GPRIN3: variants seen among roughly 807,000 people sequenced by gnomAD.
The protein encoded by GPRIN3 is GPRIN family member 3, also known as G protein-regulated inducer of neurite outgrowth 3.
Under a neutral mutation model 13.7 loss-of-function variants are expected in GPRIN3, and 12 were observed. That is an observed-to-expected ratio of 0.87 (90% CI 0.56 to 1.42). GPRIN3 has a LOEUF of 1.42. GPRIN3 is among the 40% of genes most tolerant of loss of function. The probability of loss-of-function intolerance (pLI) is 0.00; values close to 1 mark genes in which losing one functional copy is unlikely to be tolerated. For missense variants in GPRIN3, 1,009 were observed against 958.7 expected (o/e 1.05, Z -0.69); for synonymous variants, 377 against 372.7 (o/e 1.01, Z -0.13).
At chr4:89,294,293 T>G (rs1469656565) in intron 1 of GPRIN3, among the ~76,000 whole-genome samples, 1 of 152,188 alleles carries the variant, frequency 6.6e-6, no homozygotes, top group Non-Finnish European at 1.5e-5. Context: ...ACATTTGTAA[T>G]CTCAGCACTT....
intron 1 of GPRIN3, among the ~76,000 whole-genome samples, chr4:89,269,246 G>T (rs1405920565): frequency 2.0e-5 from 3 of 152,040 alleles, no homozygotes; most frequent in African/African-American, 7.2e-5. Flanking sequence ...GGTCCTGCTG[G>T]GTTTCCTTTA....
Position 89,238,014 on chromosome 4 carries a change from A to G in GPRIN3, c.*9766T>C, listed in dbSNP as rs1014605197. On this transcript the variant is annotated 3_prime_UTR_variant, in exon 2 of 2. Transcript: ENST00000609438. ...AGGCAAGGCATTTATATCTTTGGAA[A>G]TGCATGAGGTTTTAATTTGACCAAG... The G allele has an allele frequency of 5.9e-5, 9 of 152,176 alleles. No homozygotes were observed. Among genetic ancestry groups the G allele is most frequent in the Non-Finnish European group, 4.4e-5 (3 of 68,032 alleles). The allele number at this position is 152,176 out of a possible 1,614,324, so 9.4% of individuals were successfully genotyped here.
intron 1 of GPRIN3, among the ~76,000 whole-genome samples, chr4:89,295,189 C>A (rs1261111626): frequency 6.6e-6 from 1 of 152,098 alleles, no homozygotes; most frequent in African/African-American, 2.4e-5. Flanking sequence ...AATGTAGACC[C>A]CCCTTTTTTC....
intron 1 of GPRIN3, among the ~76,000 whole-genome samples, chr4:89,305,368 G>A (rs151027094): frequency 9.2e-5 from 14 of 152,270 alleles, no homozygotes; most frequent in Non-Finnish European, 2.1e-4. Flanking sequence ...AGCGGTTGCT[G>A]GCAGTGTCCC....
chr4:89,286,850 AC>A (rs1469409695), intron 1 of GPRIN3, among the ~76,000 whole-genome samples: 9 of 152,132 alleles, frequency 5.9e-5, no homozygotes, highest in Non-Finnish European at 4.4e-5. Context: ...CTCCAGCTGG[AC>A]CCAGTGGTAT....
chr4:89,283,269 G>A (rs1455636598), intron 1 of GPRIN3, among the ~76,000 whole-genome samples: 2 of 152,188 alleles, frequency 1.3e-5, no homozygotes, highest in Admixed American at 1.3e-4. Context: ...GGCCTGTGGT[G>A]GGTTCTAGAG....
Position 89,237,422 on chromosome 4 carries a change from G to T in GPRIN3, c.*10358C>A, listed in dbSNP as rs1310495307. 1 of 152,220 alleles carries T rather than the reference G, an allele frequency of 6.6e-6. No homozygotes were observed. The highest frequency in any genetic ancestry group is 1.5e-5 in the Non-Finnish European group (1 of 68,076). The allele number at this position is 152,220 out of a possible 1,614,324, so 9.4% of individuals were successfully genotyped here. ...TGAAGTCTGAACTCCTAAGGCGATG[G>T]TGTTAGAAAGTGGGGGCTTTGGGTG... On this transcript the variant is annotated 3_prime_UTR_variant, in exon 2 of 2. Transcript: ENST00000609438.
intron 1 of GPRIN3, among the ~76,000 whole-genome samples, chr4:89,289,787 T>C (rs1342543754): frequency 1.3e-5 from 2 of 152,246 alleles, no homozygotes; most frequent in East Asian, 2.0e-4. Context: ...TAATCACTAA[T>C]AGTGACTGTC....
Position 89,248,833 on chromosome 4 carries a change from G to C in GPRIN3, c.1278C>G (p.Val426=), listed in dbSNP as rs370102657. Residue 426 remains valine (V), a synonymous_variant, in exon 2 of 2, where the codon GTC becomes GTG. Transcript: ENST00000609438. ...GVLKTSSINL[V]SSNAQHTCKE... ...TACACGTATGCTGGGCATTACTGGA[G>C]ACCAAATTGATTGATGAGGTTTTAA... is the stretch of plus-strand genomic sequence containing the variant. 1.9e-6 allele frequency: 3 copies of C among 1,614,176 alleles called. No homozygotes were observed. Among genetic ancestry groups the C allele is most frequent in the South Asian group, 1.1e-5 (1 of 91,080 alleles).
intron 1 of GPRIN3, among the ~76,000 whole-genome samples, chr4:89,262,050 T>C (rs1458285053): frequency 6.8e-6 from 1 of 147,426 alleles, no homozygotes; most frequent in African/African-American, 2.5e-5. Context: ...TGCTTGAGCC[T>C]GGGAGGCAGA....
intron 1 of GPRIN3, among the ~76,000 whole-genome samples, chr4:89,291,505 C>T (rs1028885686): frequency 6.6e-6 from 1 of 152,186 alleles, no homozygotes; most frequent in Admixed American, 6.5e-5. Context: ...CATATCAATA[C>T]TTTGTTCCTT....
chr4:89,246,270 C>G lies in GPRIN3; in HGVS notation c.*1510G>C, dbSNP rs889756004. On this transcript the variant is annotated 3_prime_UTR_variant, in exon 2 of 2. Coordinates refer to ENST00000609438, the MANE Select transcript of GPRIN3 (RefSeq NM_198281.3). ...GGGGAATGAGTTCAAAGAAGACAAC[C>G]GGTGCCCCTCCAGCATCTAAGTCTG... The G allele has an allele frequency of 1.3e-5, 2 of 152,138 alleles. No individual in the cohort carries two copies. Among genetic ancestry groups the G allele is most frequent in the East Asian group, 3.8e-4 (2 of 5,196 alleles). 9.4% of individuals were successfully genotyped at this position (152,138 alleles called of 1,614,324 possible).
rs1199230242 is a variant in GPRIN3 at position 89,270,565 on chromosome 4, TTATATATATATATATA to T, written c.-123-20348_-123-20333del. On this transcript the variant is annotated intron_variant, in intron 1 of 1. Coordinates refer to ENST00000609438, the MANE Select transcript of GPRIN3 (RefSeq NM_198281.3). ...ATATATATTTATATATGTATATAATTTATATATATATATATATATATATATATATATATATAAAATA... is the reference window on the plus strand; with the variant it reads ...ATATATATTTATATATGTATATAATTTATATATATATATATATATAAAATA... Among the ~76,000 whole-genome samples, 50 of 82,348 alleles carry T rather than the reference TTATATATATATATATA, an allele frequency of 6.1e-4. 1 individual carries two copies. The highest frequency in any genetic ancestry group is 1.6e-3 in the Admixed American group (11 of 6,766). 54.0% of individuals were successfully genotyped at this position (82,348 alleles called of 152,430 possible). A position where few individuals can be genotyped will look rare whatever the true frequency, so the allele number is the denominator to read the frequency against.
chr4:89,288,628 C>A (rs945256573), intron 1 of GPRIN3, among the ~76,000 whole-genome samples: 1 of 152,140 alleles, frequency 6.6e-6, no homozygotes, highest in Non-Finnish European at 1.5e-5. Flanking sequence ...TTCAGAAAAA[C>A]AATATGCTCT....
chr4:89,292,626 G>A (rs1198866828), intron 1 of GPRIN3, among the ~76,000 whole-genome samples: 2 of 152,150 alleles, frequency 1.3e-5, no homozygotes. Flanking sequence ...GTTCTCAGAA[G>A]ACACAGAGGC....
Position 89,248,189 on chromosome 4 carries a change from A to G in GPRIN3, c.1922T>C (p.Phe641Ser). ...SPRRPSRVSE[F>S]LKEQKLNVTA... The stretch of plus-strand genomic sequence containing the variant: ...CACATTTAACTTTTGCTCCTTGAGG[A>G]ACTCGCTGACGCGGCTGGGCCTGCG... The change falls in exon 2 of 2, where the codon TTC becomes TCC. Residue 641 changes from phenylalanine (F) to serine (S), a missense_variant. By Grantham distance (155) the Phe-to-Ser change is radical. Transcript: ENST00000609438. The G allele has an allele frequency of 1.9e-6, 3 of 1,614,190 alleles. No homozygotes were observed. Among genetic ancestry groups the G allele is most frequent in the Non-Finnish European group, 2.5e-6 (3 of 1,180,020 alleles).
chr4:89,298,996 C>G lies in GPRIN3; in HGVS notation c.-124+8619G>C, dbSNP rs550034256. On this transcript the variant is annotated intron_variant, in intron 1 of 1. Transcript: ENST00000609438. ...ATTATAGTTCTAAACATCAAAATAG[C>G]CACCAGGGGAATAGCAGAACAGTTT... 2.0e-5 allele frequency among the ~76,000 whole-genome samples: 3 copies of G among 152,158 alleles called. No homozygotes were observed. The South Asian group carries it at 6.2e-4, about 32-fold the overall frequency.
chr4:89,275,404 A>G (rs983983067), intron 1 of GPRIN3, among the ~76,000 whole-genome samples: 1 of 152,204 alleles, frequency 6.6e-6, no homozygotes, highest in Non-Finnish European at 1.5e-5. Flanking sequence ...TACCCTGTCG[A>G]GAGCCAGCAG....
rs768347575 is a variant in GPRIN3 at position 89,250,088 on chromosome 4, A to G, written c.23T>C (p.Leu8Pro). The change falls in exon 2 of 2, where the codon CTG becomes CCG. Residue 8 changes from leucine (L) to proline (P), a missense_variant. Coordinates refer to ENST00000609438, the MANE Select transcript of GPRIN3 (RefSeq NM_198281.3). Reference sequence around the variant, plus strand: ...AATCAGGGAAGTTTTAGCTGATCTCAGAGGGTCAGGTACAGTCCCCATGGA... The same window carrying G: ...AATCAGGGAAGTTTTAGCTGATCTCGGAGGGTCAGGTACAGTCCCCATGGA... MGTVPDP[L>P]RSAKTSLIAA... The G allele has an allele frequency of 6.2e-6, 10 of 1,613,740 alleles. No homozygotes were observed. Among genetic ancestry groups the G allele is most frequent in the Non-Finnish European group, 8.5e-6 (10 of 1,179,794 alleles).
Sources: allele counts gnomAD v4.1 joint callset (sites outside exome capture counted in the v4.1 genomes callset), GRCh38; gene constraint gnomAD v4.1.1; transcripts MANE v1.5; gene names NCBI Gene and HGNC (gene_info 2026-07-23, HGNC 2026-07-21).